The following SH3RF1 variants were observed in gnomAD, a reference collection of about 807,000 sequenced individuals.
The protein encoded by SH3RF1 is SH3 domain containing ring finger 1, also known as E3 ubiquitin-protein ligase SH3RF1.
In SH3RF1, 32 loss-of-function variants were observed where a neutral mutation model predicts 74.0. The ratio of observed to expected loss-of-function variants is 0.43; its 90% CI spans 0.33 to 0.58. SH3RF1 has a LOEUF of 0.58. SH3RF1 is among the 20% of genes least tolerant of loss of function. The pLI is 0.05. For missense variants in SH3RF1, 954 were observed against 1,130.9 expected, an observed-to-expected ratio of 0.84 and a Z score of 2.24; for synonymous variants, 396 against 439.6, an observed-to-expected ratio of 0.90 and a Z score of 1.24.
intron 2 of SH3RF1, among the ~76,000 whole-genome samples, chr4:169,230,109 G>C (rs976935098): frequency 2.0e-5 from 3 of 152,192 alleles, no homozygotes; most frequent in African/African-American, 7.2e-5. Flanking sequence ...GGGAGGCCGA[G>C]GCAGGAGACT....
intron 4 of SH3RF1, 31 bp from the exon 5 acceptor site, chr4:169,136,651 A>T: frequency 6.8e-7 from 1 of 1,462,846 alleles, no homozygotes. Flanking sequence ...CCAACACAAG[A>T]AGGTTAAACA....
intron 6 of SH3RF1, among the ~76,000 whole-genome samples, chr4:169,124,195 C>CA (rs1733487715): frequency 6.6e-6 from 1 of 152,204 alleles, no homozygotes; most frequent in Non-Finnish European, 1.5e-5. Context: ...AATCTCAAAA[C>CA]AGTGTGGCTG....
At chr4:169,256,123 G>A (rs573793063) in intron 2 of SH3RF1, among the ~76,000 whole-genome samples, 5 of 152,180 alleles carry the variant, frequency 3.3e-5, no homozygotes, top group South Asian at 2.1e-4. Context: ...TTTCCCTTAC[G>A]GAAAGTCTTA....
At chr4:169,233,829 G>GA (rs1730782336) in intron 2 of SH3RF1, among the ~76,000 whole-genome samples, 2 of 152,096 alleles carry the variant, frequency 1.3e-5, no homozygotes, top group Admixed American at 1.3e-4. Flanking sequence ...AGACGTAATT[G>GA]AAAATCTAGC....
At position 169,107,145 on chromosome 4, in the gene SH3RF1, C is replaced by G. The variant is rs776495154; in HGVS notation, c.2200G>C (p.Val734Leu). Residue 734 changes from valine (V) to leucine (L), a missense_variant, in exon 11 of 12, where the codon GTG becomes CTG. Physicochemically the swap from Val to Leu is conservative, Grantham distance 32. Transcript: ENST00000284637. The part of the protein sequence containing the change: ...SGASTKRKPR[V>L]SPPASPTLEV... ...AGGGTGGGCGATGCTGGAGGAGACA[C>G]GCGGGGCTTCCGTTTAGTGGAGGCG... The G allele has an allele frequency of 1.6e-5, 26 of 1,596,270 alleles. No homozygotes were observed. The South Asian group carries it at 2.6e-4, about 16-fold the overall frequency.
rs1244639578 is a variant in SH3RF1, at chr4:169,173,108, C to A, written c.394-16429G>T. 2.6e-5 allele frequency among the ~76,000 whole-genome samples: 4 copies of A among 152,138 alleles called. No homozygotes were observed. The East Asian group carries it at 5.8e-4, about 22-fold the overall frequency. ...TAAAAAAGATAATCCACTGTATCCACAAACTGACTTGAGAAATAAAGCATT... is the reference window on the plus strand; with the variant it reads ...TAAAAAAGATAATCCACTGTATCCAAAAACTGACTTGAGAAATAAAGCATT... On this transcript the variant is annotated intron_variant, in intron 2 of 11. Coordinates refer to ENST00000284637, the MANE Select transcript of SH3RF1 (RefSeq NM_020870.4).
chr4:169,254,256 T>A (rs1731149418), intron 2 of SH3RF1, among the ~76,000 whole-genome samples: 2 of 152,206 alleles, frequency 1.3e-5, no homozygotes, highest in African/African-American at 4.8e-5. Flanking sequence ...CCTACTACTT[T>A]TTCCACAGTC....
At chr4:169,201,206 G>A (rs769064383) in intron 2 of SH3RF1, among the ~76,000 whole-genome samples, 5 of 152,206 alleles carry the variant, frequency 3.3e-5, no homozygotes, top group Non-Finnish European at 5.9e-5. Flanking sequence ...ATGAAATTTG[G>A]AATTAAAGTT....
intron 2 of SH3RF1, among the ~76,000 whole-genome samples, chr4:169,186,091 T>A (rs1310756065): frequency 6.6e-6 from 1 of 151,762 alleles, no homozygotes. Context: ...GTCACCTAGA[T>A]GAAAGATTTA....
chr4:169,119,376 C>T (rs1312275896), intron 8 of SH3RF1, among the ~76,000 whole-genome samples: 3 of 149,886 alleles, frequency 2.0e-5, no homozygotes, highest in African/African-American at 7.4e-5. Flanking sequence ...GATCTGCCCA[C>T]CTTGGCCTCC....
At chr4:169,270,411 A>C (rs1391133421) in intron 1 of SH3RF1, among the ~76,000 whole-genome samples, 1 of 151,966 alleles carries the variant, frequency 6.6e-6, no homozygotes, top group Non-Finnish European at 1.5e-5. Flanking sequence ...AGCCTCCCTC[A>C]TCTCCGCCTC....
chr4:169,101,926 A>G (rs1733044533), intron 11 of SH3RF1, among the ~76,000 whole-genome samples: 1 of 152,206 alleles, frequency 6.6e-6, no homozygotes, highest in African/African-American at 2.4e-5. Flanking sequence ...CAGACTTCCA[A>G]TGCTATGGTA....
In SH3RF1 at chr4:169,116,608, G is replaced by C; in HGVS notation, c.1800C>G (p.Arg600=). 6.4e-7 allele frequency: 1 copy of C among 1,556,150 alleles called. No homozygotes were observed. The highest frequency in any genetic ancestry group is 1.2e-5 in the South Asian group (1 of 81,184). ...VRTVAAHNQE[R]PTAAVTPIQV... ...GGATGGGTGTCACTGCTGCCGTGGGGCGTTCCTGGTTGTGCGCTGCAACTA... is the reference window on the plus strand; with the variant it reads ...GGATGGGTGTCACTGCTGCCGTGGGCCGTTCCTGGTTGTGCGCTGCAACTA... Residue 600 remains arginine, a synonymous_variant, in exon 10 of 12, where the codon CGC becomes CGG. Transcript: ENST00000284637.
At chr4:169,175,543 A>G (rs997140585) in intron 2 of SH3RF1, among the ~76,000 whole-genome samples, 1 of 152,042 alleles carries the variant, frequency 6.6e-6, no homozygotes, top group Admixed American at 6.6e-5. Context: ...CCTAATCATC[A>G]TTCAGGTCTC....
rs768415507 is a variant in SH3RF1, at chr4:169,130,169, G to C, written c.1069-13C>G. On this transcript the variant is annotated splice_polypyrimidine_tract_variant and intron_variant, in intron 5 of 11. Coordinates refer to ENST00000284637, the MANE Select transcript of SH3RF1 (RefSeq NM_020870.4). Reference sequence around the variant, plus strand: ...TACTTATATGAACCTGCCGAGAAAAGAAAAGTTATTAAAAAGAAGACTATG... The same window carrying C: ...TACTTATATGAACCTGCCGAGAAAACAAAAGTTATTAAAAAGAAGACTATG... 1.3e-6 allele frequency: 2 copies of C among 1,524,114 alleles called. No individual in the cohort carries two copies. The highest frequency in any genetic ancestry group is 2.4e-5 in the East Asian group (1 of 42,080). 94.4% of individuals were successfully genotyped at this position (1,524,114 alleles called of 1,614,324 possible).
intron 6 of SH3RF1, among the ~76,000 whole-genome samples, chr4:169,128,897 C>A (rs1733567260): frequency 6.6e-6 from 1 of 152,184 alleles, no homozygotes; most frequent in East Asian, 1.9e-4. Flanking sequence ...TGCAACAGCC[C>A]TCAACCGAGC....
intron 2 of SH3RF1, among the ~76,000 whole-genome samples, chr4:169,262,781 A>T (rs572998062): frequency 8.5e-5 from 13 of 152,252 alleles, no homozygotes; most frequent in East Asian, 5.8e-4. Context: ...TTACTTTTTT[A>T]AAAAAATTAT....
At chr4:169,228,205 G>C (rs886734446) in intron 2 of SH3RF1, among the ~76,000 whole-genome samples, 2 of 152,182 alleles carry the variant, frequency 1.3e-5, no homozygotes, top group African/African-American at 4.8e-5. Context: ...CAGGCAGATA[G>C]TCTTCAAACA....
chr4:169,168,427 T>C (rs1008250938), intron 2 of SH3RF1, among the ~76,000 whole-genome samples: 1 of 152,054 alleles, frequency 6.6e-6, no homozygotes, highest in Non-Finnish European at 1.5e-5. Flanking sequence ...GCATATTCAG[T>C]AGAGAGAGAT....
Sources: allele counts gnomAD v4.1 joint callset (sites outside exome capture counted in the v4.1 genomes callset), GRCh38; gene constraint gnomAD v4.1.1; transcripts MANE v1.5; gene names NCBI Gene and HGNC (gene_info 2026-07-23, HGNC 2026-07-21).